CHST11: variants seen among roughly 807,000 people sequenced by gnomAD.
The protein encoded by CHST11 is C4S-1.
Under a neutral mutation model 30.4 loss-of-function variants are expected in CHST11, and 9 were observed. The ratio of observed to expected loss-of-function variants is 0.30; its 90% CI spans 0.18 to 0.52. CHST11 has a LOEUF of 0.52. Among genes scored for constraint, CHST11 ranks in the 20% least tolerant of loss-of-function variants. The pLI, the probability that CHST11 is intolerant of heterozygous loss-of-function variation, is 0.97. For synonymous variants in CHST11, 152 were observed against 187.8 expected (o/e 0.81, Z 1.56); for missense variants, 348 against 460.6 (o/e 0.76, Z 2.24).
At chr12:104,684,442 T>C (rs562950052) in intron 2 of CHST11, among the ~76,000 whole-genome samples, 1 of 152,282 alleles carries the variant, frequency 6.6e-6, no homozygotes, top group African/African-American at 2.4e-5. Context: ...CTATCATCTG[T>C]AAAAAGGGGA....
intron 1 of CHST11, among the ~76,000 whole-genome samples, chr12:104,467,870 C>T (rs1344109651): frequency 6.6e-6 from 1 of 152,194 alleles, no homozygotes; most frequent in African/African-American, 2.4e-5. Flanking sequence ...TGCATAAGGT[C>T]ACTCATTATA....
At chr12:104,641,645 A>C (rs1164856) in intron 2 of CHST11, among the ~76,000 whole-genome samples, 82,868 of 151,968 alleles carry the variant, frequency 0.55, 22,699 homozygotes, top group African/African-American at 0.6. Flanking sequence ...TGGAAGCTCT[A>C]TATACTTTCC....
intron 2 of CHST11, among the ~76,000 whole-genome samples, chr12:104,703,115 C>G (rs2040003492): frequency 6.6e-6 from 1 of 152,234 alleles, no homozygotes; most frequent in Non-Finnish European, 1.5e-5. Flanking sequence ...TGGGAACTCA[C>G]CGGGGCGGAG....
At chr12:104,620,577 T>C (rs2039150013) in intron 2 of CHST11, among the ~76,000 whole-genome samples, 1 of 152,228 alleles carries the variant, frequency 6.6e-6, no homozygotes, top group African/African-American at 2.4e-5. Flanking sequence ...CCAATCCTTC[T>C]CTTAATGAGA....
intron 2 of CHST11, among the ~76,000 whole-genome samples, chr12:104,648,707 G>A (rs577270284): frequency 1.4e-4 from 21 of 152,150 alleles, no homozygotes; most frequent in African/African-American, 3.9e-4. Flanking sequence ...CCAGCTACTC[G>A]GGAGGCCAGG....
intron 2 of CHST11, among the ~76,000 whole-genome samples, chr12:104,664,071 G>C (rs1335801337): frequency 6.6e-6 from 1 of 152,108 alleles, no homozygotes; most frequent in Non-Finnish European, 1.5e-5. Context: ...TACTTCCAGC[G>C]AGCTATCTAG....
intron 1 of CHST11, among the ~76,000 whole-genome samples, chr12:104,592,559 C>A (rs1040792652): frequency 2.0e-5 from 3 of 152,176 alleles, no homozygotes; most frequent in African/African-American, 7.2e-5. Flanking sequence ...AAATGATTAT[C>A]TTGGGGGTTA....
intron 1 of CHST11, among the ~76,000 whole-genome samples, chr12:104,576,675 A>G (rs1227520793): frequency 6.6e-6 from 1 of 152,154 alleles, no homozygotes; most frequent in Non-Finnish European, 1.5e-5. Flanking sequence ...CATTTGGTCA[A>G]CCACCCACTT....
chr12:104,725,864 C>T (rs923456681), intron 2 of CHST11, among the ~76,000 whole-genome samples: 5 of 152,064 alleles, frequency 3.3e-5, no homozygotes, highest in Admixed American at 2.6e-4. Flanking sequence ...TCAAGCAGGA[C>T]AAGGTAGGGC....
chr12:104,506,545 T>G (rs1363455352), intron 1 of CHST11, among the ~76,000 whole-genome samples: 1 of 152,188 alleles, frequency 6.6e-6, no homozygotes, highest in Non-Finnish European at 1.5e-5. Context: ...CCCCCTCAGA[T>G]AGTCGATTCA....
intron 1 of CHST11, among the ~76,000 whole-genome samples, chr12:104,481,223 C>A (rs11112075): frequency 0.022 from 3,353 of 152,246 alleles, 57 homozygotes; most frequent in Non-Finnish European, 0.038. Context: ...CCTGCCTGGT[C>A]CCACTTCCTT....
intron 2 of CHST11, among the ~76,000 whole-genome samples, chr12:104,652,289 G>A (rs919584920): frequency 2.6e-5 from 4 of 152,214 alleles, no homozygotes; most frequent in African/African-American, 9.6e-5. Flanking sequence ...GACAATGATG[G>A]TAATTGTCGG....
intron 2 of CHST11, among the ~76,000 whole-genome samples, chr12:104,625,199 CTGGAGA>C (rs2039200745): frequency 6.6e-6 from 1 of 152,254 alleles, no homozygotes; most frequent in African/African-American, 2.4e-5. Context: ...AGATGCCAAA[CTGGAGA>C]TGCCCCAGTG....
chr12:104,693,658 A>G (rs1322678255), intron 2 of CHST11, among the ~76,000 whole-genome samples: 1 of 152,200 alleles, frequency 6.6e-6, no homozygotes, highest in Non-Finnish European at 1.5e-5. Flanking sequence ...AGAAGTTGGG[A>G]GCACAGAGAA....
intron 2 of CHST11, among the ~76,000 whole-genome samples, chr12:104,749,142 G>A (rs558218032): frequency 1.3e-5 from 2 of 152,278 alleles, no homozygotes; most frequent in South Asian, 2.1e-4. Context: ...GTGAATCGTG[G>A]CATTATTCAG....
At chr12:104,485,700 GA>G (rs140611322) in intron 1 of CHST11, among the ~76,000 whole-genome samples, 2,718 of 152,318 alleles carry the variant, frequency 0.018, 37 homozygotes, top group Non-Finnish European at 0.029. Context: ...TGGTCGTGGG[GA>G]GCCTTGAATT....
At chr12:104,700,264 A>G (rs928918352) in intron 2 of CHST11, among the ~76,000 whole-genome samples, 1 of 152,238 alleles carries the variant, frequency 6.6e-6, no homozygotes, top group African/African-American at 2.4e-5. Context: ...ATAAACATTT[A>G]TTAAAAATAC....
chr12:104,605,464 A>G (rs981409427), intron 2 of CHST11, among the ~76,000 whole-genome samples: 3 of 152,188 alleles, frequency 2.0e-5, no homozygotes, highest in Non-Finnish European at 4.4e-5. Context: ...CTACAGTCCC[A>G]GCTTCTCCGG....
At chr12:104,512,086 A>G (rs138537543) in intron 1 of CHST11, among the ~76,000 whole-genome samples, 10 of 152,278 alleles carry the variant, frequency 6.6e-5, no homozygotes, top group African/African-American at 2.2e-4. Context: ...TTTCCCCTAC[A>G]TATTTTCAGT....
Sources: gnomAD v4.1 joint callset for allele counts (sites outside exome capture counted in the v4.1 genomes callset) on GRCh38, gnomAD v4.1.1 for gene constraint, MANE v1.5 for transcripts, NCBI Gene and HGNC (gene_info 2026-07-23, HGNC 2026-07-21) for gene names.